MAP3K5: variants seen among roughly 807,000 people sequenced by gnomAD.
The protein encoded by MAP3K5 is ASK-1.
Under a neutral mutation model 158.7 loss-of-function variants are expected in MAP3K5, and 56 were observed. The observed-to-expected ratio is 0.35, with a 90% CI of 0.28 to 0.44. The LOEUF (loss-of-function observed/expected upper bound fraction) is 0.44, where lower values mean the gene tolerates loss of function less well. MAP3K5 is among the 20% of genes least tolerant of loss of function. The probability of loss-of-function intolerance (pLI) is 1.00; values close to 1 mark genes in which losing one functional copy is unlikely to be tolerated. For synonymous variants in MAP3K5, 579 were observed against 601.7 expected (o/e 0.96, Z 0.55); for missense variants, 1,294 against 1,674.8 (o/e 0.77, Z 3.97).
At chr6:136,699,609 T>C (rs559038005) in intron 3 of MAP3K5, among the ~76,000 whole-genome samples, 73 of 152,306 alleles carry the variant, frequency 4.8e-4, no homozygotes, top group Non-Finnish European at 7.5e-4. Context: ...TCCTGGATGA[T>C]GCCCAAGCGA....
At chr6:136,659,467 T>G in intron 8 of MAP3K5, 89 bp from the exon 9 acceptor site, 1 of 1,204,040 alleles carries the variant, frequency 8.3e-7, no homozygotes, top group Non-Finnish European at 1.2e-6. Flanking sequence ...TAAGCTTTCA[T>G]TCCTCTTTTC....
intron 2 of MAP3K5, among the ~76,000 whole-genome samples, chr6:136,714,131 T>A (rs1011126460): frequency 2.0e-5 from 3 of 152,178 alleles, no homozygotes; most frequent in African/African-American, 7.2e-5. Context: ...GGCAAAACTT[T>A]AACAAAAGGA....
In MAP3K5 at chr6:136,754,269, T is replaced by C. The variant is rs368398388; in HGVS notation, c.449-33680A>G. ...GCCTGGGAGACAGAGCAAGACTCGA[T>C]AAAAAAAAAAAAGAAAAGAAAATCC... On this transcript the variant is annotated intron_variant, in intron 1 of 29. Coordinates refer to ENST00000359015, the MANE Select transcript of MAP3K5 (RefSeq NM_005923.4). Among the ~76,000 whole-genome samples, 7 of 131,954 alleles carry C rather than the reference T, an allele frequency of 5.3e-5. No homozygotes were observed. In the East Asian group the frequency reaches 6.6e-4, roughly 12 times the overall value. The allele number at this position is 131,954 out of a possible 152,430, so 86.6% of individuals were successfully genotyped here. A position where few individuals can be genotyped will look rare whatever the true frequency, so the allele number is the denominator to read the frequency against.
intron 1 of MAP3K5, among the ~76,000 whole-genome samples, chr6:136,753,112 T>G (rs929783769): frequency 3.3e-5 from 5 of 152,218 alleles, no homozygotes; most frequent in Admixed American, 3.3e-4. Context: ...ATTAATTTAT[T>G]TATCTGCCTG....
At chr6:136,749,561 G>C (rs1023698101) in intron 1 of MAP3K5, among the ~76,000 whole-genome samples, 3 of 151,682 alleles carry the variant, frequency 2.0e-5, no homozygotes, top group South Asian at 2.1e-4. Flanking sequence ...TCAGCACCTA[G>C]GGAATGCTCA....
intron 5 of MAP3K5, among the ~76,000 whole-genome samples, chr6:136,696,884 G>A (rs1780622195): frequency 1.3e-5 from 2 of 152,176 alleles, no homozygotes; most frequent in African/African-American, 4.8e-5. Flanking sequence ...TCTGCTATTT[G>A]CCAAAACAAA....
In MAP3K5 at chr6:136,659,163, G is replaced by T. The variant is rs374440438; in HGVS notation, c.1526+56C>A. ...ATTGTCAGTTCAATAAATATAATAT[G>T]GGAACAATATGGAGCTGTTTATTAA... On this transcript the variant is annotated intron_variant, in intron 9 of 29. Coordinates refer to ENST00000359015, the MANE Select transcript of MAP3K5 (RefSeq NM_005923.4). The T allele has an allele frequency of 1.6e-3, 2,255 of 1,376,620 alleles. 45 individuals carry two copies. In the South Asian group the frequency reaches 0.027, roughly 17 times the overall value. 85.3% of individuals were successfully genotyped at this position (1,376,620 alleles called of 1,614,324 possible). A position where few individuals can be genotyped will look rare whatever the true frequency, so the allele number is the denominator to read the frequency against.
intron 1 of MAP3K5, among the ~76,000 whole-genome samples, chr6:136,763,314 G>C (rs1336402513): frequency 6.6e-6 from 1 of 152,206 alleles, no homozygotes; most frequent in Non-Finnish European, 1.5e-5. Flanking sequence ...ATTTTTACAA[G>C]ATTGTTCATT....
rs72983536 is a variant in MAP3K5, at chr6:136,779,426, G to T, written c.448+12284C>A. On this transcript the variant is annotated intron_variant, in intron 1 of 29. Coordinates refer to ENST00000359015, the MANE Select transcript of MAP3K5 (RefSeq NM_005923.4). ...CCACTGAACTTTAGCCTGGGCAACA[G>T]AGTGACACCCTGTCTCAAAAAAAAA... Among the ~76,000 whole-genome samples the T allele has an allele frequency of 6.1e-3, 804 of 131,908 alleles. 2 individuals carry two copies. The highest frequency in any genetic ancestry group is 0.014 in the Middle Eastern group (3 of 210). 86.5% of individuals were successfully genotyped at this position (131,908 alleles called of 152,430 possible).
intron 18 of MAP3K5, among the ~76,000 whole-genome samples, chr6:136,606,107 C>T (rs920465404): frequency 6.6e-6 from 1 of 152,204 alleles, no homozygotes; most frequent in Non-Finnish European, 1.5e-5. Flanking sequence ...AATCCCAGCA[C>T]TTTGGGAGGC....
intron 7 of MAP3K5, among the ~76,000 whole-genome samples, chr6:136,675,556 A>G (rs1779668395): frequency 6.6e-6 from 1 of 152,158 alleles, no homozygotes; most frequent in Non-Finnish European, 1.5e-5. Context: ...ACTGAAAATT[A>G]GAAGGTATTT....
In MAP3K5 at chr6:136,669,267, A is replaced by G; in HGVS notation, c.1366+16T>C. 6.5e-7 allele frequency: 1 copy of G among 1,540,646 alleles called. No individual in the cohort carries two copies. The highest frequency in any genetic ancestry group is 2.2e-5 in the East Asian group (1 of 44,472). On this transcript the variant is annotated intron_variant, in intron 8 of 29. Transcript: ENST00000359015. ...CAGTTTCTTGATTTCCATGTAAAAT[A>G]TCAAGTTGTAATTACCAACTTTCCG... is the stretch of plus-strand genomic sequence containing the variant.
chr6:136,752,419 T>C (rs1460208490), intron 1 of MAP3K5, among the ~76,000 whole-genome samples: 1 of 152,130 alleles, frequency 6.6e-6, no homozygotes, highest in Non-Finnish European at 1.5e-5. Flanking sequence ...TTTTTTTGTT[T>C]GTTTGTTTTT....
chr6:136,789,675 CTTTTTTTTTTTTTTTTTT>C (rs57162918), intron 1 of MAP3K5, among the ~76,000 whole-genome samples: 1 of 78,754 alleles, frequency 1.3e-5, no homozygotes, highest in Non-Finnish European at 2.3e-5. Flanking sequence ...AGCACAACCT[CTTTTTTTTTTTTTTTTTT>C]TTTTTTTTTT....
intron 12 of MAP3K5, among the ~76,000 whole-genome samples, chr6:136,641,858 T>G (rs1010722550): frequency 6.6e-6 from 1 of 151,372 alleles, no homozygotes; most frequent in Middle Eastern, 3.4e-3. Flanking sequence ...CATGGTGACA[T>G]GCGCCCGTAA....
At chr6:136,704,782 G>A (rs927724577) in intron 3 of MAP3K5, among the ~76,000 whole-genome samples, 1 of 152,064 alleles carries the variant, frequency 6.6e-6, no homozygotes, top group Non-Finnish European at 1.5e-5. Context: ...CTGACCTCAC[G>A]TGATCTGCCT....
chr6:136,592,543 A>C lies in MAP3K5; in HGVS notation c.2950T>G (p.Ser984Ala). The C allele has an allele frequency of 6.2e-7, 1 of 1,614,004 alleles. No individual in the cohort carries two copies. Among genetic ancestry groups the C allele is most frequent in the Non-Finnish European group, 8.5e-7 (1 of 1,180,000 alleles). Residue 984 changes from serine (S) to alanine (A), a missense_variant, in exon 22 of 30, where the codon TCA (serine) becomes GCA (alanine). This residue lies in a region of MAP3K5 where 362 missense variants were observed against 463.2 expected (regional missense o/e 0.78). Coordinates refer to ENST00000359015, the MANE Select transcript of MAP3K5 (RefSeq NM_005923.4). ...TTCAACTCCGTGTCGGGTGAAACTG[A>C]GCCGTACTCACTGCTGCTGCTGGTG... Reference protein sequence around the residue: ...EDTSSSSEYGSVSPDTELKVD... With the variant: ...EDTSSSSEYGAVSPDTELKVD...
chr6:136,673,703 A>G (rs1779578527), intron 7 of MAP3K5, among the ~76,000 whole-genome samples: 1 of 143,058 alleles, frequency 7.0e-6, no homozygotes, highest in African/African-American at 2.8e-5. Flanking sequence ...ACTGAAGCAG[A>G]GATATAGAAA....
chr6:136,718,573 T>C (rs924576556), intron 2 of MAP3K5, among the ~76,000 whole-genome samples: 1 of 152,190 alleles, frequency 6.6e-6, no homozygotes, highest in Admixed American at 6.5e-5. Context: ...GCAGATAATA[T>C]GTACAAGATA....
Sources: allele counts gnomAD v4.1 joint callset (sites outside exome capture counted in the v4.1 genomes callset), GRCh38; gene constraint gnomAD v4.1.1; regional missense constraint gnomAD v4.1.1; transcripts MANE v1.5; gene names NCBI Gene and HGNC (gene_info 2026-07-23, HGNC 2026-07-21).